CHEK2: variants seen among roughly 807,000 people sequenced by gnomAD.
CHEK2 encodes checkpoint kinase 2, also known as serine/threonine-protein kinase Chk2.
In CHEK2, 71 loss-of-function variants were observed where a neutral mutation model predicts 69.1. The ratio of observed to expected loss-of-function variants is 1.03; its 90% CI spans 0.85 to 1.25. CHEK2 has a LOEUF of 1.25. Ranked by LOEUF, CHEK2 falls within the 50% of genes most tolerant of loss-of-function variation. CHEK2 has a pLI of 0.00. For missense variants in CHEK2, 664 were observed against 649.6 expected (o/e 1.02, Z -0.24); for synonymous variants, 189 against 226.9 (o/e 0.83, Z 1.50).
chr22:28,727,215 G>A lies in CHEK2; in HGVS notation c.320-1848C>T, dbSNP rs555058873. Reference sequence around the variant, plus strand: ...TGCCACCATGCCCAGCTAATTTTTTGTAATTTTAGTAGAGACGGGGTTTCG... The same window carrying A: ...TGCCACCATGCCCAGCTAATTTTTTATAATTTTAGTAGAGACGGGGTTTCG... On this transcript the variant is annotated intron_variant, in intron 2 of 14. Transcript: ENST00000404276. Among the ~76,000 whole-genome samples the A allele has an allele frequency of 3.2e-3, 491 of 152,182 alleles. 2 individuals are homozygous for A. Among genetic ancestry groups the A allele is most frequent in the African/African-American group, 0.011 (474 of 41,524 alleles).
At chr22:28,729,870 C>T (rs2054141515) in intron 2 of CHEK2, among the ~76,000 whole-genome samples, 1 of 152,058 alleles carries the variant, frequency 6.6e-6, no homozygotes, top group South Asian at 2.1e-4. Context: ...CTGCCATAGG[C>T]TCCCAAAGCA....
rs759100025 is a variant in CHEK2, at chr22:28,702,171, G to GTGTGT, written c.908+1333_908+1334insACACA. Among the ~76,000 whole-genome samples the GTGTGT allele has an allele frequency of 2.1e-5, 3 of 142,226 alleles. No individual in the cohort carries two copies. The East Asian group carries it at 6.1e-4, about 29-fold the overall frequency. The allele number at this position is 142,226 out of a possible 152,430, so 93.3% of individuals were successfully genotyped here. ...TGTGTGTGTGTGTGTGTGTGTGTGT[G>GTGTGT]TTTTGTACAGATGGGGTTTCACCAT... On this transcript the variant is annotated intron_variant, in intron 8 of 14. Transcript: ENST00000404276.
Position 28,695,810 on chromosome 22 carries a change from T to G in CHEK2, c.1159A>C (p.Thr387Pro), listed in dbSNP as rs771387164. The G allele has an allele frequency of 6.2e-7, 1 of 1,613,770 alleles. No individual in the cohort carries two copies. The highest frequency in any genetic ancestry group is 1.1e-5 in the South Asian group (1 of 91,060). ...ETSLMRTLCG[T>P]PTYLAPEVLV... ...ACTTCAGGCGCCAAGTAGGTGGGGG[T>G]TCCACATAAGGTTCTCATGAGAGAG... Residue 387 changes from threonine (T) to proline (P), a missense_variant, in exon 11 of 15, where the codon ACC becomes CCC. Physicochemically the swap from Thr to Pro is conservative, Grantham distance 38 (BLOSUM62 -1). Transcript: ENST00000404276.
At chr22:28,725,175 T>A in intron 3 of CHEK2, 51 bp from the exon 4 acceptor site, 1 of 1,613,810 alleles carries the variant, frequency 6.2e-7, no homozygotes. Flanking sequence ...AGATTTATAG[T>A]GGGAAAATAT....
chr22:28,741,580 T>A lies in CHEK2; in HGVS notation c.-7+189A>T, dbSNP rs145550498. ...CTGTATGTTCAGGCCTGTTTCAGCT[T>A]GCAAGTAATACGGGAAGTGAACTTC... On this transcript the variant is annotated intron_variant, in intron 1 of 14. Coordinates refer to ENST00000404276, the MANE Select transcript of CHEK2 (RefSeq NM_007194.4). Among the ~76,000 whole-genome samples, 67 of 152,218 alleles carry A rather than the reference T, an allele frequency of 4.4e-4. 1 individual carries two copies. In the East Asian group the frequency reaches 0.01, roughly 23 times the overall value.
intron 2 of CHEK2, among the ~76,000 whole-genome samples, chr22:28,732,355 C>T (rs2054245096): frequency 6.6e-6 from 1 of 152,160 alleles, no homozygotes; most frequent in Non-Finnish European, 1.5e-5. Flanking sequence ...AGGTGATCCG[C>T]CCATCTCGGC....
rs372168051 is a variant in CHEK2 at position 28,725,024 on chromosome 22, G to T, written c.545C>A (p.Pro182His). 1 of 1,613,786 alleles carries T rather than the reference G, an allele frequency of 6.2e-7. No homozygotes were observed. ...TELVGKGKRRPLNNNSEIALS... is the reference protein window; with the variant it reads ...TELVGKGKRRHLNNNSEIALS... ...TGCAATTTCAGAATTGTTATTCAAA[G>T]GACGGCGTTTTCCTTTCCCTACAAG... The change falls in exon 4 of 15, where the codon CCT becomes CAT. Residue 182 changes from proline to histidine, a missense_variant. Physicochemically the swap from Pro to His is moderately conservative, Grantham distance 77. Coordinates refer to ENST00000404276, the MANE Select transcript of CHEK2 (RefSeq NM_007194.4).
chr22:28,719,715 T>C (rs1035576311), intron 4 of CHEK2, among the ~76,000 whole-genome samples: 2 of 152,236 alleles, frequency 1.3e-5, no homozygotes, highest in Non-Finnish European at 2.9e-5. Flanking sequence ...TCAATGGAAC[T>C]ATAAGCATCA....
chr22:28,705,133 C>A (rs529579753), intron 7 of CHEK2, among the ~76,000 whole-genome samples: 1 of 147,832 alleles, frequency 6.8e-6, no homozygotes, highest in Admixed American at 6.9e-5. Flanking sequence ...GGCTGGAGTG[C>A]GGTGGCGAGA....
At chr22:28,693,902 C>A in intron 13 of CHEK2, 130 bp downstream of exon 13, 1 of 742,934 alleles carries the variant, frequency 1.3e-6, no homozygotes, top group Admixed American at 1.7e-5. Flanking sequence ...TCCAAGATAC[C>A]CCCCATACAT....
At position 28,734,386 on chromosome 22, in the gene CHEK2, A is replaced by G. The variant is rs770423802; in HGVS notation, c.319+17T>C. ...TTTTCTGAACAAAACGTGATACTAT[A>G]CAACAAAGGGTCTTACCAAGATTGG... On this transcript the variant is annotated intron_variant, in intron 2 of 14. Transcript: ENST00000404276. 3 of 1,611,888 alleles carry G rather than the reference A, an allele frequency of 1.9e-6. No individual in the cohort carries two copies. The highest frequency in any genetic ancestry group is 1.7e-6 in the Non-Finnish European group (2 of 1,178,002).
intron 5 of CHEK2, among the ~76,000 whole-genome samples, chr22:28,718,372 TC>T (rs1380434695): frequency 1.3e-5 from 2 of 151,916 alleles, no homozygotes; most frequent in African/African-American, 4.8e-5. Flanking sequence ...GTATAAAGGT[TC>T]CCCAAAAAGC....
At chr22:28,688,560 T>G (rs560843072) in intron 14 of CHEK2, among the ~76,000 whole-genome samples, 1 of 152,104 alleles carries the variant, frequency 6.6e-6, no homozygotes, top group South Asian at 2.1e-4. Flanking sequence ...TCCCAGATAC[T>G]CGGGAGACTG....
chr22:28,690,490 T>C (rs2052318581), intron 13 of CHEK2, among the ~76,000 whole-genome samples: 1 of 151,808 alleles, frequency 6.6e-6, no homozygotes, highest in Non-Finnish European at 1.5e-5. Context: ...AAGCAGGGCA[T>C]GGTAGTGCAC....
chr22:28,705,343 T>C (rs1039864737), intron 7 of CHEK2, among the ~76,000 whole-genome samples: 1 of 151,902 alleles, frequency 6.6e-6, no homozygotes, highest in Non-Finnish European at 1.5e-5. Flanking sequence ...TCCCAAAGTG[T>C]TGGGATTACA....
chr22:28,717,950 G>A (rs1265731916), intron 5 of CHEK2, among the ~76,000 whole-genome samples: 1 of 152,024 alleles, frequency 6.6e-6, no homozygotes, highest in African/African-American at 2.4e-5. Flanking sequence ...CTGTGATGGT[G>A]CAAGCCTGTA....
At chr22:28,698,949 A>G (rs963183240) in intron 9 of CHEK2, among the ~76,000 whole-genome samples, 8 of 152,118 alleles carry the variant, frequency 5.3e-5, no homozygotes, top group African/African-American at 1.9e-4. Flanking sequence ...CTAAAGAACT[A>G]ATGATCAAGA....
At position 28,710,059 on chromosome 22, in the gene CHEK2, C is replaced by G. The variant is rs1064793689; in HGVS notation, c.793G>C (p.Asp265His). 2 of 1,556,108 alleles carry G rather than the reference C, an allele frequency of 1.3e-6. No individual in the cohort carries two copies. The highest frequency in any genetic ancestry group is 1.8e-6 in the Non-Finnish European group (2 of 1,129,876). ...KFAIGSAREADPALNVETEIE... is the reference protein window; with the variant it reads ...KFAIGSAREAHPALNVETEIE... ...TCTGTTTCAACATTGAGAGCTGGGT[C>G]CTTTGATAAACAGAATAACAGAGTT... Residue 265 changes from aspartate (D) to histidine (H), a missense_variant and splice_region_variant, in exon 7 of 15, where the codon GAC becomes CAC. Physicochemically the swap from Asp to His is moderately conservative, Grantham distance 81. Transcript: ENST00000404276.
At position 28,696,984 on chromosome 22, in the gene CHEK2, G is replaced by T; in HGVS notation, c.1012C>A (p.Leu338Ile). ...CGGTGTATAATACCGTTTTCATGAA[G>T]GTACTACACAGAAAGGCAGGCATGA... The part of the protein sequence containing the change: ...FYQMLLAVQY[L>I]HENGIIHRDL... Residue 338 changes from leucine to isoleucine, a missense_variant, in exon 10 of 15, where the codon CTT (leucine) becomes ATT (isoleucine). By Grantham distance (5) the Leu-to-Ile change is conservative. Transcript: ENST00000404276. 1 of 1,608,212 alleles carries T rather than the reference G, an allele frequency of 6.2e-7. No homozygotes were observed. The highest frequency in any genetic ancestry group is 1.1e-5 in the South Asian group (1 of 90,934).
Sources: gnomAD v4.1 joint callset for allele counts (sites outside exome capture counted in the v4.1 genomes callset) on GRCh38, gnomAD v4.1.1 for gene constraint, MANE v1.5 for transcripts, NCBI Gene and HGNC (gene_info 2026-07-23, HGNC 2026-07-21) for gene names.